Variants in UBE2E2 observed in about 807,000 individuals in gnomAD.
UBE2E2 encodes the protein ubiquitin-conjugating enzyme E2 E2.
Under a neutral mutation model 24.7 loss-of-function variants are expected in UBE2E2, and 6 were observed. The ratio of observed to expected loss-of-function variants is 0.24; its 90% CI spans 0.13 to 0.48. The LOEUF (loss-of-function observed/expected upper bound fraction) is 0.48, where lower values mean the gene tolerates loss of function less well. Ranked by LOEUF, UBE2E2 falls within the 20% of genes least tolerant of loss-of-function variation. The pLI is 0.99. For synonymous variants in UBE2E2, 104 were observed against 83.6 expected, an observed-to-expected ratio of 1.24 and a Z score of -1.33; for missense variants, 169 against 245.0, an observed-to-expected ratio of 0.69 and a Z score of 2.07.
chr3:23,525,350 G>T (rs938106594), intron 4 of UBE2E2, among the ~76,000 whole-genome samples: 1 of 152,186 alleles, frequency 6.6e-6, no homozygotes, highest in African/African-American at 2.4e-5. Flanking sequence ...TACTGCACAT[G>T]TGTACCCACA....
At chr3:23,297,634 C>G (rs58856801) in intron 3 of UBE2E2, among the ~76,000 whole-genome samples, 55,517 of 151,720 alleles carry the variant, frequency 0.37, 10,353 homozygotes, top group East Asian at 0.49. Flanking sequence ...CTGTTCTGTT[C>G]CATTGGTCTA....
chr3:23,323,357 T>C (rs544475526), intron 3 of UBE2E2, among the ~76,000 whole-genome samples: 1 of 152,154 alleles, frequency 6.6e-6, no homozygotes, highest in Non-Finnish European at 1.5e-5. Flanking sequence ...TTGTTTCTTC[T>C]AGGGAATACA....
chr3:23,218,134 G>A (rs893609976), intron 3 of UBE2E2, among the ~76,000 whole-genome samples: 3 of 151,932 alleles, frequency 2.0e-5, no homozygotes, highest in African/African-American at 7.2e-5. Flanking sequence ...TTTTCCCAAC[G>A]TTGAACGCAG....
intron 3 of UBE2E2, among the ~76,000 whole-genome samples, chr3:23,458,555 C>G (rs1698735231): frequency 6.6e-6 from 1 of 152,028 alleles, no homozygotes; most frequent in South Asian, 2.1e-4. Context: ...GTAGCTGGGA[C>G]CACAGGCGCC....
intron 3 of UBE2E2, among the ~76,000 whole-genome samples, chr3:23,363,656 T>TA (rs1696183858): frequency 6.6e-6 from 1 of 152,178 alleles, no homozygotes; most frequent in African/African-American, 2.4e-5. Context: ...AACAAGTTCT[T>TA]ACAGACCTAT....
intron 5 of UBE2E2, among the ~76,000 whole-genome samples, chr3:23,546,408 G>A (rs1264966843): frequency 6.8e-6 from 1 of 147,708 alleles, no homozygotes; most frequent in East Asian, 2.0e-4. Flanking sequence ...AAATGATTCA[G>A]AGTTTCTTTG....
chr3:23,234,846 TA>T (rs748917188), intron 3 of UBE2E2, among the ~76,000 whole-genome samples: 6 of 152,120 alleles, frequency 3.9e-5, no homozygotes, highest in Non-Finnish European at 7.4e-5. Flanking sequence ...CAGAAATTAA[TA>T]GGGAAATCTG....
At chr3:23,534,750 T>C (rs1341690349) in intron 5 of UBE2E2, among the ~76,000 whole-genome samples, 1 of 152,180 alleles carries the variant, frequency 6.6e-6, no homozygotes, top group Admixed American at 6.5e-5. Context: ...TAGGAAAGAT[T>C]AGGTTAGATT....
intron 3 of UBE2E2, among the ~76,000 whole-genome samples, chr3:23,328,858 C>T (rs933337917): frequency 7.9e-5 from 12 of 152,098 alleles, no homozygotes; most frequent in Non-Finnish European, 1.5e-5. Flanking sequence ...GACGGGGTTT[C>T]ACCATGTTGG....
At chr3:23,319,030 G>A (rs906948249) in intron 3 of UBE2E2, among the ~76,000 whole-genome samples, 2 of 152,104 alleles carry the variant, frequency 1.3e-5, no homozygotes, top group East Asian at 3.9e-4. Context: ...TGTTTAAGAA[G>A]CCAATGTATA....
intron 2 of UBE2E2, among the ~76,000 whole-genome samples, chr3:23,217,052 T>C (rs890342359): frequency 6.6e-6 from 1 of 152,144 alleles, no homozygotes; most frequent in Non-Finnish European, 1.5e-5. Flanking sequence ...ACAGGTTGCA[T>C]GCACTGGTAG....
intron 4 of UBE2E2, among the ~76,000 whole-genome samples, chr3:23,501,371 C>T (rs1441113904): frequency 6.6e-6 from 1 of 152,160 alleles, no homozygotes. Context: ...GAGTCGTGCA[C>T]TCCACTGGGC....
intron 3 of UBE2E2, among the ~76,000 whole-genome samples, chr3:23,273,196 G>C (rs1698293209): frequency 6.6e-6 from 1 of 152,160 alleles, no homozygotes; most frequent in African/African-American, 2.4e-5. Context: ...AAGCAATATA[G>C]TAAATTCTCA....
chr3:23,463,933 A>G (rs1698867771), intron 3 of UBE2E2, among the ~76,000 whole-genome samples: 4 of 152,170 alleles, frequency 2.6e-5, no homozygotes. Context: ...AAAGATCATA[A>G]TGTTCTTAAA....
intron 4 of UBE2E2, among the ~76,000 whole-genome samples, chr3:23,522,954 A>G (rs1386429347): frequency 6.6e-6 from 1 of 152,202 alleles, no homozygotes; most frequent in Non-Finnish European, 1.5e-5. Context: ...ACCATGATAC[A>G]ATCTACCATT....
intron 3 of UBE2E2, among the ~76,000 whole-genome samples, chr3:23,340,496 C>CTT (rs1695350539): frequency 1.3e-5 from 2 of 152,100 alleles, no homozygotes; most frequent in South Asian, 4.2e-4. Flanking sequence ...ACACCTAATC[C>CTT]TTTAAATAAA....
intron 4 of UBE2E2, among the ~76,000 whole-genome samples, chr3:23,504,693 CA>C (rs1694391117): frequency 2.0e-5 from 3 of 152,216 alleles, no homozygotes; most frequent in Admixed American, 2.0e-4. Flanking sequence ...AAATGTATGA[CA>C]GTTTTCATGT....
intron 3 of UBE2E2, among the ~76,000 whole-genome samples, chr3:23,267,433 A>G (rs910185462): frequency 4.7e-4 from 72 of 152,322 alleles, no homozygotes; most frequent in African/African-American, 1.7e-3. Context: ...GCACCTCTAC[A>G]GAAATAAACT....
At chr3:23,408,175 T>C (rs888147970) in intron 3 of UBE2E2, among the ~76,000 whole-genome samples, 2 of 152,190 alleles carry the variant, frequency 1.3e-5, no homozygotes, top group Non-Finnish European at 2.9e-5. Flanking sequence ...TTACACAGGT[T>C]TTTTAGAAAA....
Sources: gnomAD v4.1 joint callset for allele counts (sites outside exome capture counted in the v4.1 genomes callset) on GRCh38, gnomAD v4.1.1 for gene constraint, MANE v1.5 for transcripts, NCBI Gene and HGNC (gene_info 2026-07-23, HGNC 2026-07-21) for gene names.